Variants in CSNK2A2IP observed in about 807,000 individuals in gnomAD.
CSNK2A2IP encodes casein kinase 2 subunit alpha' interacting protein, also known as casein kinase II subunit alpha'-interacting protein.
At chr3:88,349,229 C>T in the CSNK2A2IP span, among the ~76,000 whole-genome samples, 1 of 151,866 alleles carries the variant, frequency 6.6e-6, no homozygotes, top group South Asian at 2.1e-4. Context: ...TAGTGCACCC[C>T]TCACCCAAGA....
At chr3:88,436,590 T>A in the CSNK2A2IP span, among the ~76,000 whole-genome samples, 1 of 152,098 alleles carries the variant, frequency 6.6e-6, no homozygotes, top group Non-Finnish European at 1.5e-5. Flanking sequence ...GTGTACAGAC[T>A]TTTAAAAGGA....
chr3:88,370,615 T>TC, the CSNK2A2IP span, among the ~76,000 whole-genome samples: 51 of 56,598 alleles, frequency 9.0e-4, no homozygotes, highest in African/African-American at 1.9e-3. Context: ...TCTCTCTCTT[T>TC]CTTTCTTTCT....
At chr3:88,419,686 T>C in the CSNK2A2IP span, among the ~76,000 whole-genome samples, 1 of 152,174 alleles carries the variant, frequency 6.6e-6, no homozygotes, top group East Asian at 1.9e-4. Context: ...GGAAGTAAAA[T>C]TTTAAGAGTA....
the CSNK2A2IP span, among the ~76,000 whole-genome samples, chr3:88,427,680 G>T: frequency 6.6e-6 from 1 of 152,298 alleles, no homozygotes; most frequent in South Asian, 2.1e-4. Context: ...CCCAAGCCTT[G>T]ATGCCTTCAA....
At chr3:88,393,518 T>A in the CSNK2A2IP span, among the ~76,000 whole-genome samples, 1 of 152,166 alleles carries the variant, frequency 6.6e-6, no homozygotes, top group African/African-American at 2.4e-5. Context: ...GATAAATGGA[T>A]GTGTACATAC....
chr3:88,444,402 C>A, the CSNK2A2IP span, among the ~76,000 whole-genome samples: 1 of 152,104 alleles, frequency 6.6e-6, no homozygotes, highest in Admixed American at 6.5e-5. Flanking sequence ...TTATGTAATG[C>A]TTATACTCAG....
At chr3:88,425,333 G>T in the CSNK2A2IP span, among the ~76,000 whole-genome samples, 1 of 152,170 alleles carries the variant, frequency 6.6e-6, no homozygotes, top group Admixed American at 6.5e-5. Context: ...GCATCAGCAT[G>T]CTTTAAAAGC....
the CSNK2A2IP span, among the ~76,000 whole-genome samples, chr3:88,364,354 G>A: frequency 9.9e-5 from 15 of 151,748 alleles, no homozygotes; most frequent in Non-Finnish European, 1.3e-4. Context: ...GTGAAATCAG[G>A]AGATTATAAA....
chr3:88,436,894 A>T, the CSNK2A2IP span, among the ~76,000 whole-genome samples: 6 of 152,138 alleles, frequency 3.9e-5, no homozygotes, highest in Non-Finnish European at 7.4e-5. Context: ...TTTGGGGGCA[A>T]ACCTGTTTAT....
At chr3:88,344,642 C>T in the CSNK2A2IP span, among the ~76,000 whole-genome samples, 4 of 151,926 alleles carry the variant, frequency 2.6e-5, no homozygotes, top group Non-Finnish European at 5.9e-5. Context: ...AACTGACAGT[C>T]ATTTAAATTT....
At chr3:88,361,233 A>T in the CSNK2A2IP span, among the ~76,000 whole-genome samples, 1 of 152,002 alleles carries the variant, frequency 6.6e-6, no homozygotes, top group Non-Finnish European at 1.5e-5. Flanking sequence ...ATTTCTTTTT[A>T]CTTGTTAGTG....
chr3:88,359,462 G>T, the CSNK2A2IP span, among the ~76,000 whole-genome samples: 250 of 150,728 alleles, frequency 1.7e-3, 3 homozygotes, highest in African/African-American at 5.6e-3. Context: ...TCATTTGGTT[G>T]TTTTTTTTGA....
the CSNK2A2IP span, among the ~76,000 whole-genome samples, chr3:88,393,776 T>G: frequency 2.0e-5 from 3 of 152,316 alleles, no homozygotes; most frequent in African/African-American, 7.2e-5. Flanking sequence ...AAATTCAAAA[T>G]GTAGAATTTA....
the CSNK2A2IP span, among the ~76,000 whole-genome samples, chr3:88,353,500 A>T: frequency 6.6e-6 from 1 of 152,182 alleles, no homozygotes; most frequent in East Asian, 1.9e-4. Context: ...GCATATGTCA[A>T]GAGGGAGCCT....
the CSNK2A2IP span, among the ~76,000 whole-genome samples, chr3:88,390,979 G>A: frequency 6.6e-6 from 1 of 152,144 alleles, no homozygotes; most frequent in Non-Finnish European, 1.5e-5. Flanking sequence ...AAGAATTTGT[G>A]TTCTAGAATC....
At chr3:88,401,517 C>A in the CSNK2A2IP span, among the ~76,000 whole-genome samples, 1 of 151,868 alleles carries the variant, frequency 6.6e-6, no homozygotes. Context: ...GCTAAGATAC[C>A]CCTTGCAGAA....
chr3:88,456,273 A>G, the CSNK2A2IP span, among the ~76,000 whole-genome samples: 1 of 151,968 alleles, frequency 6.6e-6, no homozygotes, highest in Non-Finnish European at 1.5e-5. Flanking sequence ...GGATTTGTAG[A>G]TTTTTTGGGT....
At chr3:88,405,593 G>T in the CSNK2A2IP span, among the ~76,000 whole-genome samples, 1 of 152,130 alleles carries the variant, frequency 6.6e-6, no homozygotes, top group East Asian at 1.9e-4. Flanking sequence ...TAATAGCTTA[G>T]TGATTTCTAG....
the CSNK2A2IP span, among the ~76,000 whole-genome samples, chr3:88,391,744 A>T: frequency 6.6e-6 from 1 of 152,206 alleles, no homozygotes; most frequent in Non-Finnish European, 1.5e-5. Context: ...GTAAAGGGGA[A>T]CTAACTGCAT....
Sources: allele counts gnomAD v4.1 joint callset (sites outside exome capture counted in the v4.1 genomes callset), GRCh38; gene constraint gnomAD v4.1.1; transcripts MANE v1.5; gene names NCBI Gene and HGNC (gene_info 2026-07-23, HGNC 2026-07-21).